Variants in PHACTR1 observed in about 807,000 individuals in gnomAD.
PHACTR1 encodes the protein phosphatase and actin regulator 1.
PHACTR1 carries 16 observed loss-of-function variants against 69.2 expected under a neutral mutation model. The ratio of observed to expected loss-of-function variants is 0.23; its 90% CI spans 0.16 to 0.35. The LOEUF is 0.35. Among genes scored for constraint, PHACTR1 ranks in the 10% least tolerant of loss-of-function variants. PHACTR1 has a pLI of 1.00. For synonymous variants in PHACTR1, 312 were observed against 284.5 expected (o/e 1.10, Z -0.97); for missense variants, 510 against 734.7 (o/e 0.69, Z 3.54).
At chr6:12,771,477 T>C (rs1186117710) in intron 4 of PHACTR1, among the ~76,000 whole-genome samples, 1 of 152,136 alleles carries the variant, frequency 6.6e-6, no homozygotes, top group African/African-American at 2.4e-5. Context: ...GATTGGGAAC[T>C]CAGGAGAAAT....
chr6:13,216,786 A>G (rs1767744251), intron 8 of PHACTR1, among the ~76,000 whole-genome samples: 1 of 152,194 alleles, frequency 6.6e-6, no homozygotes, highest in Non-Finnish European at 1.5e-5. Context: ...GTGCAAAGTA[A>G]TGTCATTATG....
At chr6:13,183,506 T>G (rs1762449360) in intron 7 of PHACTR1, among the ~76,000 whole-genome samples, 1 of 152,044 alleles carries the variant, frequency 6.6e-6, no homozygotes, top group Non-Finnish European at 1.5e-5. Flanking sequence ...ACCCGGTGAG[T>G]CATTGCTCCA....
chr6:12,994,702 A>G (rs1449401789), intron 4 of PHACTR1, among the ~76,000 whole-genome samples: 1 of 152,190 alleles, frequency 6.6e-6, no homozygotes, highest in African/African-American at 2.4e-5. Context: ...AGTTAATAGT[A>G]TTGTAAATTA....
intron 5 of PHACTR1, among the ~76,000 whole-genome samples, chr6:13,134,930 G>A (rs1375385475): frequency 6.6e-6 from 1 of 152,008 alleles, no homozygotes; most frequent in African/African-American, 2.4e-5. Flanking sequence ...CAGAGCCAGA[G>A]CGTAAACCCC....
chr6:13,216,720 C>T (rs150394085), intron 8 of PHACTR1, among the ~76,000 whole-genome samples: 97 of 152,268 alleles, frequency 6.4e-4, no homozygotes, highest in South Asian at 4.1e-3. Flanking sequence ...ATTGCCTACA[C>T]GTACATGTTG....
At chr6:13,065,039 A>G (rs1193502300) in intron 5 of PHACTR1, among the ~76,000 whole-genome samples, 1 of 152,134 alleles carries the variant, frequency 6.6e-6, no homozygotes, top group Non-Finnish European at 1.5e-5. Context: ...TAAGTCAGAT[A>G]CACTGAAGAG....
intron 4 of PHACTR1, among the ~76,000 whole-genome samples, chr6:12,855,442 A>G (rs1173211440): frequency 1.3e-5 from 2 of 152,174 alleles, no homozygotes; most frequent in African/African-American, 2.4e-5. Context: ...ACAGGACGAG[A>G]CCCTGTCTCT....
At chr6:13,079,713 T>G (rs1053596880) in intron 5 of PHACTR1, among the ~76,000 whole-genome samples, 2 of 152,166 alleles carry the variant, frequency 1.3e-5, no homozygotes, top group African/African-American at 4.8e-5. Context: ...GGTTGCATTA[T>G]GTACCAATCT....
At chr6:12,924,767 T>C (rs1195102299) in intron 4 of PHACTR1, among the ~76,000 whole-genome samples, 1 of 139,160 alleles carries the variant, frequency 7.2e-6, no homozygotes, top group East Asian at 2.0e-4. Flanking sequence ...AGAGCGAGAC[T>C]CTGTCCCGGA....
intron 4 of PHACTR1, among the ~76,000 whole-genome samples, chr6:13,039,539 T>C (rs931219765): frequency 6.6e-6 from 1 of 152,206 alleles, no homozygotes; most frequent in Non-Finnish European, 1.5e-5. Flanking sequence ...TACTCTCTGC[T>C]GAACTCAGGC....
chr6:13,213,738 C>T (rs371714309), intron 8 of PHACTR1, among the ~76,000 whole-genome samples: 20 of 152,220 alleles, frequency 1.3e-4, no homozygotes, highest in African/African-American at 3.6e-4. Flanking sequence ...GAGCGTGCCG[C>T]GTTTCTCCCA....
intron 4 of PHACTR1, among the ~76,000 whole-genome samples, chr6:12,953,225 C>T (rs142914725): frequency 7.0e-4 from 107 of 152,112 alleles, no homozygotes; most frequent in African/African-American, 2.2e-3. Context: ...TGAGAGGCTG[C>T]GGCAGGAGAA....
Position 13,125,930 on chromosome 6 carries a change from C to CA in PHACTR1, c.416-34262dup, listed in dbSNP as rs71552734. Among the ~76,000 whole-genome samples, 761 of 136,788 alleles carry CA rather than the reference C, an allele frequency of 5.6e-3. 7 individuals carry two copies. Among genetic ancestry groups the CA allele is most frequent in the South Asian group, 0.019 (82 of 4,250 alleles). The allele number at this position is 136,788 out of a possible 152,430, so 89.7% of individuals were successfully genotyped here. ...GGGCAGCAGGAGTGAGACCCTGTCT[C>CA]AAAAAAAAAAAATGTTAAACATAGT... On this transcript the variant is annotated intron_variant, in intron 5 of 14. Coordinates refer to ENST00000332995, the MANE Select transcript of PHACTR1 (RefSeq NM_030948.6).
chr6:13,022,153 G>C (rs1801067174), intron 4 of PHACTR1, among the ~76,000 whole-genome samples: 1 of 152,200 alleles, frequency 6.6e-6, no homozygotes, highest in Admixed American at 6.5e-5. Flanking sequence ...ATGTGAATAT[G>C]ATCATTCAGG....
chr6:12,786,909 A>G (rs2127653934), intron 4 of PHACTR1, among the ~76,000 whole-genome samples: 1 of 152,330 alleles, frequency 6.6e-6, no homozygotes, highest in Middle Eastern at 3.4e-3. Flanking sequence ...AGAGAGCAGC[A>G]AGGACACTAT....
At chr6:12,813,580 C>T (rs925020471) in intron 4 of PHACTR1, among the ~76,000 whole-genome samples, 8 of 152,212 alleles carry the variant, frequency 5.3e-5, no homozygotes, top group Non-Finnish European at 1.0e-4. Context: ...CCATCCCAAA[C>T]CACTAATGAC....
intron 4 of PHACTR1, among the ~76,000 whole-genome samples, chr6:12,892,445 A>C (rs1298755146): frequency 1.3e-5 from 2 of 152,156 alleles, no homozygotes; most frequent in Non-Finnish European, 2.9e-5. Flanking sequence ...TGTCAGAGGG[A>C]AGTGATGAAA....
intron 5 of PHACTR1, among the ~76,000 whole-genome samples, chr6:13,121,581 C>T (rs1447464919): frequency 6.6e-6 from 1 of 152,178 alleles, no homozygotes; most frequent in Non-Finnish European, 1.5e-5. Context: ...CATGGGGTCT[C>T]ACATGCCAAT....
chr6:13,121,339 G>A (rs924877438), intron 5 of PHACTR1, among the ~76,000 whole-genome samples: 5 of 152,078 alleles, frequency 3.3e-5, no homozygotes, highest in Admixed American at 2.0e-4. Context: ...TTAATAGCTA[G>A]GTGACCTTGG....
Sources: gnomAD v4.1 joint callset for allele counts (sites outside exome capture counted in the v4.1 genomes callset) on GRCh38, gnomAD v4.1.1 for gene constraint, MANE v1.5 for transcripts, NCBI Gene and HGNC (gene_info 2026-07-23, HGNC 2026-07-21) for gene names.